Variants in GPC6 observed in about 807,000 individuals in gnomAD.
GPC6 encodes glypican-6.
Under a neutral mutation model 55.2 loss-of-function variants are expected in GPC6, and 14 were observed. The observed-to-expected ratio is 0.25, with a 90% CI of 0.17 to 0.40. The LOEUF (loss-of-function observed/expected upper bound fraction) is 0.40, where lower values mean the gene tolerates loss of function less well. Among genes scored for constraint, GPC6 ranks in the 10% least tolerant of loss-of-function variants. The pLI is 1.00. For missense variants in GPC6, 641 were observed against 708.5 expected (o/e 0.90, Z 1.08); for synonymous variants, 278 against 259.6 (o/e 1.07, Z -0.68).
chr13:93,249,960 G>T (rs185202019), intron 1 of GPC6, among the ~76,000 whole-genome samples: 116 of 152,288 alleles, frequency 7.6e-4, no homozygotes, highest in African/African-American at 2.6e-3. Flanking sequence ...GGTAACAGGA[G>T]AAAACATTTT....
intron 2 of GPC6, among the ~76,000 whole-genome samples, chr13:93,779,457 A>T (rs1324451594): frequency 1.3e-5 from 2 of 152,192 alleles, no homozygotes; most frequent in Non-Finnish European, 2.9e-5. Flanking sequence ...ACTTGGAAAA[A>T]TGATAAAAGC....
chr13:93,940,675 C>T (rs1372836518), intron 3 of GPC6, among the ~76,000 whole-genome samples: 1 of 152,050 alleles, frequency 6.6e-6, no homozygotes, highest in African/African-American at 2.4e-5. Context: ...AACAAGTGAA[C>T]TGTAAAAGTA....
At chr13:94,124,967 C>A (rs1886755549) in intron 4 of GPC6, among the ~76,000 whole-genome samples, 1 of 152,024 alleles carries the variant, frequency 6.6e-6, no homozygotes, top group African/African-American at 2.4e-5. Flanking sequence ...AACAAGCAAG[C>A]AAACAAATAA....
intron 3 of GPC6, among the ~76,000 whole-genome samples, chr13:93,956,572 T>G (rs1156234178): frequency 6.6e-6 from 1 of 152,238 alleles, no homozygotes; most frequent in African/African-American, 2.4e-5. Context: ...CACAGCCTGC[T>G]CTTTCCACTT....
intron 1 of GPC6, among the ~76,000 whole-genome samples, chr13:93,243,564 G>A (rs1014685806): frequency 1.5e-4 from 23 of 152,298 alleles, no homozygotes; most frequent in African/African-American, 5.5e-4. Context: ...TGGCAGGTGC[G>A]AGCACCAGCT....
At chr13:93,455,888 G>T (rs905971456) in intron 1 of GPC6, among the ~76,000 whole-genome samples, 1 of 152,162 alleles carries the variant, frequency 6.6e-6, no homozygotes, top group Non-Finnish European at 1.5e-5. Flanking sequence ...TCTGCGTCAT[G>T]AACTGCTGTT....
chr13:93,442,379 G>A (rs977858458), intron 1 of GPC6, among the ~76,000 whole-genome samples: 1 of 152,152 alleles, frequency 6.6e-6, no homozygotes, highest in Non-Finnish European at 1.5e-5. Context: ...GTAGAAAGGA[G>A]AAAAGGGTCT....
intron 1 of GPC6, among the ~76,000 whole-genome samples, chr13:93,321,686 C>A (rs1879440358): frequency 6.6e-6 from 1 of 152,144 alleles, no homozygotes; most frequent in Admixed American, 6.5e-5. Flanking sequence ...ATTTATATTT[C>A]TCTCTAGAAA....
rs183576975 is a variant in GPC6 at position 93,545,421 on chromosome 13, G to A, written c.319G>A (p.Glu107Lys). ...TGTGTCCAGGCATAAGAAATTTGAC[G>A]GTAGGTGAAATGGTTTTCACTTCAG... is the stretch of plus-strand genomic sequence containing the variant. ...TFVSRHKKFD[E>K]FFRELLENAE... The change falls in exon 2 of 9, where the codon GAA (glutamate) becomes AAA (lysine). Residue 107 changes from glutamate to lysine, a missense_variant and splice_region_variant. By Grantham distance (56) the Glu-to-Lys change is moderately conservative. Coordinates refer to ENST00000377047, the MANE Select transcript of GPC6 (RefSeq NM_005708.5). The A allele has an allele frequency of 5.6e-6, 9 of 1,612,578 alleles. No homozygotes were observed. The highest frequency in any genetic ancestry group is 7.6e-6 in the Non-Finnish European group (9 of 1,178,668).
intron 4 of GPC6, among the ~76,000 whole-genome samples, chr13:94,254,931 T>G (rs958759955): frequency 2.0e-5 from 3 of 152,148 alleles, no homozygotes; most frequent in Non-Finnish European, 4.4e-5. Flanking sequence ...TACATATAAA[T>G]ATTAGGAAAT....
At chr13:93,933,144 G>A (rs1273887749) in intron 3 of GPC6, among the ~76,000 whole-genome samples, 11 of 151,428 alleles carry the variant, frequency 7.3e-5, no homozygotes, top group African/African-American at 2.7e-4. Flanking sequence ...GTGCACTTTT[G>A]TACATGGTAC....
At chr13:94,300,655 G>A (rs1218813087) in intron 5 of GPC6, among the ~76,000 whole-genome samples, 7 of 152,156 alleles carry the variant, frequency 4.6e-5, no homozygotes, top group Admixed American at 1.3e-4. Flanking sequence ...TACATCTGTA[G>A]CATCTGTCTG....
At chr13:93,792,845 C>G (rs998675665) in intron 2 of GPC6, among the ~76,000 whole-genome samples, 1 of 152,124 alleles carries the variant, frequency 6.6e-6, no homozygotes, top group Non-Finnish European at 1.5e-5. Context: ...ACAGGCTGAA[C>G]TATTGGGGAA....
intron 1 of GPC6, among the ~76,000 whole-genome samples, chr13:93,479,599 C>T (rs924861890): frequency 1.6e-4 from 12 of 74,902 alleles, no homozygotes; most frequent in Non-Finnish European, 2.8e-4. Flanking sequence ...GCCCAGCCAA[C>T]GTGGTGAGAC....
chr13:94,270,815 A>T (rs545328921), intron 4 of GPC6, among the ~76,000 whole-genome samples: 1 of 152,174 alleles, frequency 6.6e-6, no homozygotes, highest in Admixed American at 6.5e-5. Context: ...TTCCATGGGA[A>T]GTTCTGAAAG....
At chr13:93,964,774 C>T (rs559765553) in intron 3 of GPC6, among the ~76,000 whole-genome samples, 8 of 152,206 alleles carry the variant, frequency 5.3e-5, no homozygotes, top group South Asian at 2.1e-4. Flanking sequence ...AAGTGACTGG[C>T]GTTGTTATCA....
intron 1 of GPC6, among the ~76,000 whole-genome samples, chr13:93,469,973 T>C (rs1354032152): frequency 6.6e-6 from 1 of 152,188 alleles, no homozygotes; most frequent in Non-Finnish European, 1.5e-5. Context: ...TCTATTCAGT[T>C]GGTCAATGTG....
intron 1 of GPC6, among the ~76,000 whole-genome samples, chr13:93,496,172 C>T (rs1050651088): frequency 3.9e-5 from 6 of 152,082 alleles, no homozygotes; most frequent in South Asian, 2.1e-4. Flanking sequence ...TAGCAATCAG[C>T]GAGAGTCCGT....
chr13:94,337,149 T>G (rs953508907), intron 6 of GPC6, among the ~76,000 whole-genome samples: 2 of 152,038 alleles, frequency 1.3e-5, no homozygotes, highest in African/African-American at 4.8e-5. Flanking sequence ...CCTCATTTCT[T>G]ATGAGGAGAA....
Sources: gnomAD v4.1 joint callset for allele counts (sites outside exome capture counted in the v4.1 genomes callset) on GRCh38, gnomAD v4.1.1 for gene constraint, MANE v1.5 for transcripts, NCBI Gene and HGNC (gene_info 2026-07-23, HGNC 2026-07-21) for gene names.